HHIPL1: variants seen among roughly 807,000 people sequenced by gnomAD.
The protein encoded by HHIPL1 is HHIP-like protein 1.
Under a neutral mutation model 61.8 loss-of-function variants are expected in HHIPL1, and 43 were observed. The observed-to-expected ratio is 0.70, with a 90% confidence interval of 0.55 to 0.90. The LOEUF is 0.90. Among genes scored for constraint, HHIPL1 ranks in the 40% least tolerant of loss-of-function variants. The pLI is 0.00. For missense variants in HHIPL1, 1,056 were observed against 1,157.7 expected, an observed-to-expected ratio of 0.91 and a Z score of 1.28; for synonymous variants, 482 against 515.8, an observed-to-expected ratio of 0.93 and a Z score of 0.89.
upstream of HHIPL1, among the ~76,000 whole-genome samples, chr14:99,641,694 G>A (rs887062696): frequency 4.6e-5 from 7 of 151,636 alleles, no homozygotes; most frequent in African/African-American, 1.2e-4. Flanking sequence ...GATTACAGGC[G>A]TGAGCCACCG....
In HHIPL1 at chr14:99,668,496, G is replaced by A. The variant is rs540100725; in HGVS notation, c.1730+193G>A. Reference sequence around the variant, plus strand: ...AGGGGCAGACCCAGGATTCAGACCCGGGTCTGCACGCCTCAAAGCACAGGT... The same window carrying A: ...AGGGGCAGACCCAGGATTCAGACCCAGGTCTGCACGCCTCAAAGCACAGGT... On this transcript the variant is annotated intron_variant, in intron 7 of 8. Transcript: ENST00000330710. This position sits in a 1 kb window ranked among gnomAD's most constrained non-coding sequence, Gnocchi z 4.7. Among the ~76,000 whole-genome samples the A allele has an allele frequency of 6.6e-6, 1 of 152,124 alleles. No individual in the cohort carries two copies. The highest frequency in any genetic ancestry group is 6.5e-5 in the Admixed American group (1 of 15,284).
At chr14:99,640,998 T>C (rs1337304537), upstream of HHIPL1, among the ~76,000 whole-genome samples, 1 of 150,276 alleles carries the variant, frequency 6.7e-6, no homozygotes, top group East Asian at 2.0e-4. Context: ...GCAATTCTTC[T>C]GCCTCAGCCT....
the HHIPL1 span, among the ~76,000 whole-genome samples, chr14:99,617,254 C>T: frequency 6.6e-6 from 1 of 152,150 alleles, no homozygotes; most frequent in Admixed American, 6.5e-5. Flanking sequence ...CTGACTTTCA[C>T]GGAATAACAT....
At chr14:99,661,421 A>AAGGAAGGAAGGAAGGAAGGAAG (rs2056151167) in intron 5 of HHIPL1, among the ~76,000 whole-genome samples, 1 of 143,404 alleles carries the variant, frequency 7.0e-6, no homozygotes, top group African/African-American at 2.6e-5. Flanking sequence ...GAGAGAGAAA[A>AAGGAAGGAAGGAAGGAAGGAAG]GAAGGAAGGA....
the HHIPL1 span, among the ~76,000 whole-genome samples, chr14:99,634,132 C>G: frequency 6.6e-6 from 1 of 152,194 alleles, no homozygotes; most frequent in African/African-American, 2.4e-5. Context: ...CGAGGTCCCC[C>G]TGGAGACCTG....
chr14:99,606,539 C>T, the HHIPL1 span, among the ~76,000 whole-genome samples: 1 of 152,214 alleles, frequency 6.6e-6, no homozygotes, highest in Admixed American at 6.5e-5. Context: ...CCTCCCCGTT[C>T]GTGCATGGCT....
intron 5 of HHIPL1, among the ~76,000 whole-genome samples, chr14:99,662,467 C>G (rs919424701): frequency 3.9e-5 from 6 of 152,156 alleles, no homozygotes; most frequent in African/African-American, 1.4e-4. Flanking sequence ...TTGCATTCAG[C>G]GGGCAGTAAC....
rs1306222686 is a variant in HHIPL1, at chr14:99,672,395, A to C, written c.1809A>C (p.Lys603Asn). 1 of 1,550,834 alleles carries C rather than the reference A, an allele frequency of 6.4e-7. No homozygotes were observed. The highest frequency in any genetic ancestry group is 8.7e-7 in the Non-Finnish European group (1 of 1,146,714). ...GCCGTCTCATCCCCTTTGTGCCCAA[A>C]GAAAGTAAGTGCCTGCCAGTGGGAC... Reference protein sequence around the residue: ...IRSRLIPFVPKEKFIPKTRST... With the variant: ...IRSRLIPFVPNEKFIPKTRST... The change falls in exon 8 of 9, where the codon AAA (lysine) becomes AAC (asparagine). Residue 603 changes from lysine (K) to asparagine (N), a missense_variant. Transcript: ENST00000330710.
chr14:99,645,086 C>A (rs1426990253), upstream of HHIPL1: 3 of 889,796 alleles, frequency 3.4e-6, no homozygotes, highest in African/African-American at 5.2e-5. Flanking sequence ...AAGGGGAGGT[C>A]CCCAAACTCG....
intron 1 of HHIPL1, among the ~76,000 whole-genome samples, chr14:99,646,817 GATATGATATGATATGATATA>G (rs1465505137): frequency 5.6e-4 from 36 of 64,496 alleles, no homozygotes; most frequent in African/African-American, 1.4e-3. Context: ...GATATGATAT[GATATGATATGATATGATATA>G]ATATAATATA....
the HHIPL1 span, among the ~76,000 whole-genome samples, chr14:99,639,687 A>G: frequency 6.7e-6 from 1 of 149,028 alleles, no homozygotes; most frequent in Non-Finnish European, 1.5e-5. Context: ...TTTGAGATGG[A>G]GTCTTGCTGC....
the HHIPL1 span, among the ~76,000 whole-genome samples, chr14:99,629,654 C>T: frequency 3.6e-5 from 3 of 83,132 alleles, no homozygotes; most frequent in African/African-American, 8.4e-5. Flanking sequence ...CGTGCCACCA[C>T]GCCCGGCTAA....
the HHIPL1 span, among the ~76,000 whole-genome samples, chr14:99,612,883 A>G: frequency 1.3e-5 from 2 of 152,150 alleles, no homozygotes; most frequent in Non-Finnish European, 2.9e-5. Flanking sequence ...CCTAGGCCTG[A>G]GGTCTACAAC....
rs1371665593 is a variant in HHIPL1 at position 99,645,157 on chromosome 14, G to A, written c.-51G>A. The stretch of plus-strand genomic sequence containing the variant: ...TTCCCTGCCGCCGCGAGCGCCCCGG[G>A]AGGGGACCGGGGCTGCCGTCCCTCC... On this transcript the variant is annotated 5_prime_UTR_variant, in exon 1 of 9. Transcript: ENST00000330710. 4 of 1,247,076 alleles carry A rather than the reference G, an allele frequency of 3.2e-6. No individual in the cohort carries two copies. The African/African-American group carries it at 6.3e-5, about 19-fold the overall frequency. 77.3% of individuals were successfully genotyped at this position (1,247,076 alleles called of 1,614,324 possible). A position where few individuals can be genotyped will look rare whatever the true frequency, so the allele number is the denominator to read the frequency against.
Position 99,680,089 on chromosome 14 carries a change from C to A in HHIPL1, c.*4463C>A, listed in dbSNP as rs538506994. On this transcript the variant is annotated 3_prime_UTR_variant, in exon 9 of 9. Coordinates refer to ENST00000330710, the MANE Select transcript of HHIPL1 (RefSeq NM_001127258.3). ...GTTTTCCAGATGAGGGGACAGATTC[C>A]TAGGGTGTTATGTAAGTGGTCCCCG... The A allele has an allele frequency of 6.6e-6, 1 of 152,118 alleles. No homozygotes were observed. Among genetic ancestry groups the A allele is most frequent in the African/African-American group, 2.4e-5 (1 of 41,426 alleles). The allele number at this position is 152,118 out of a possible 1,614,324, so 9.4% of individuals were successfully genotyped here. A position where few individuals can be genotyped will look rare whatever the true frequency, so the allele number is the denominator to read the frequency against.
At position 99,668,395 on chromosome 14, in the gene HHIPL1, G is replaced by A; in HGVS notation, c.1730+92G>A. On this transcript the variant is annotated intron_variant, in intron 7 of 8. Transcript: ENST00000330710. This position sits in a 1 kb window ranked among gnomAD's most constrained non-coding sequence, Gnocchi z 4.7. ...TCCCCTCCGCCTCGCCCTCAGGTGG[G>A]TGGTATTAATCCCCATTTTCAGACA... 1 of 789,032 alleles carries A rather than the reference G, an allele frequency of 1.3e-6. No individual in the cohort carries two copies. Among genetic ancestry groups the A allele is most frequent in the South Asian group, 1.4e-5 (1 of 71,266 alleles). The allele number at this position is 789,032 out of a possible 1,614,324, so 48.9% of individuals were successfully genotyped here.
At chr14:99,638,351 G>A in the HHIPL1 span, among the ~76,000 whole-genome samples, 1 of 152,250 alleles carries the variant, frequency 6.6e-6, no homozygotes, top group South Asian at 2.1e-4. Context: ...GCGGCCTGTC[G>A]GGGAAGAGGC....
chr14:99,654,097 G>A (rs1386002399), intron 2 of HHIPL1, among the ~76,000 whole-genome samples: 1 of 147,952 alleles, frequency 6.8e-6, no homozygotes, highest in Non-Finnish European at 1.5e-5. Context: ...GCTGAGGCAG[G>A]AGAATGTCTT....
the HHIPL1 span, among the ~76,000 whole-genome samples, chr14:99,618,450 G>C: frequency 6.6e-6 from 1 of 152,208 alleles, no homozygotes; most frequent in Non-Finnish European, 1.5e-5. Flanking sequence ...TCCCCACTGG[G>C]CTCCACACTG....
Sources: allele counts gnomAD v4.1 joint callset (sites outside exome capture counted in the v4.1 genomes callset), GRCh38; gene constraint gnomAD v4.1.1; non-coding constraint Gnocchi (gnomAD v3.1); transcripts MANE v1.5; gene names NCBI Gene and HGNC (gene_info 2026-07-23, HGNC 2026-07-21).